Variants in EPS15L1 observed in about 807,000 individuals in gnomAD.
EPS15L1 encodes the protein epidermal growth factor receptor pathway substrate 15 like 1, also known as epidermal growth factor receptor substrate 15-like 1.
A neutral mutation model predicts 117.1 loss-of-function variants in EPS15L1; 43 were observed. The ratio of observed to expected loss-of-function variants is 0.37; its 90% CI spans 0.29 to 0.47. The LOEUF is 0.47. Among genes scored for constraint, EPS15L1 ranks in the 20% least tolerant of loss-of-function variants. The probability of loss-of-function intolerance (pLI) is 0.99; values close to 1 mark genes in which losing one functional copy is unlikely to be tolerated. For missense variants in EPS15L1, 981 were observed against 1,164.0 expected, an observed-to-expected ratio of 0.84 and a Z score of 2.29; for synonymous variants, 459 against 470.5, an observed-to-expected ratio of 0.98 and a Z score of 0.32.
chr19:16,401,923 T>C (rs1568419979), intron 16 of EPS15L1: 3 of 1,009,590 alleles, frequency 3.0e-6, no homozygotes, highest in South Asian at 4.4e-5. Context: ...CATAGACACA[T>C]GCCCCTCAGA....
chr19:16,456,733 C>G (rs986928604), intron 1 of EPS15L1, among the ~76,000 whole-genome samples: 1 of 152,078 alleles, frequency 6.6e-6, no homozygotes, highest in Non-Finnish European at 1.5e-5. Flanking sequence ...ACAAAGTCAG[C>G]CCAGGACTAT....
chr19:16,369,855 G>T (rs2092196295), intron 22 of EPS15L1, among the ~76,000 whole-genome samples: 1 of 152,184 alleles, frequency 6.6e-6, no homozygotes, highest in African/African-American at 2.4e-5. Flanking sequence ...CATACCCTGC[G>T]TGAACACCCC....
intron 19 of EPS15L1, 56 bp downstream of exon 19, chr19:16,392,248 C>A: frequency 1.2e-6 from 2 of 1,606,278 alleles, no homozygotes; most frequent in South Asian, 1.1e-5. Flanking sequence ...GAAGCGCCAC[C>A]CTTACCACAC....
At position 16,381,368 on chromosome 19, in the gene EPS15L1, C is replaced by T. The variant is rs1040812886; in HGVS notation, c.2247+3761G>A. Reference sequence around the variant, plus strand: ...GCCACCAGACGCTGCCCTCAGCTGCCGAGGGCCACCCCAGTGGTGGGTCCA... The same window carrying T: ...GCCACCAGACGCTGCCCTCAGCTGCTGAGGGCCACCCCAGTGGTGGGTCCA... On this transcript the variant is annotated intron_variant, in intron 21 of 23. Transcript: ENST00000455140. The surrounding 1 kb of genome is among the most constrained non-coding windows in gnomAD (Gnocchi z 4.2). 3.3e-5 allele frequency among the ~76,000 whole-genome samples: 5 copies of T among 152,252 alleles called. No homozygotes were observed. Among genetic ancestry groups the T allele is most frequent in the East Asian group, 1.9e-4 (1 of 5,198 alleles).
chr19:16,361,101 C>CA (rs2092043959), intron 23 of EPS15L1, among the ~76,000 whole-genome samples: 1 of 152,288 alleles, frequency 6.6e-6, no homozygotes, highest in South Asian at 2.1e-4. Flanking sequence ...CAGAGAAAAA[C>CA]AAAGCCAGGC....
In EPS15L1 at chr19:16,468,807, T is replaced by G. The variant is rs888998298; in HGVS notation, c.33+3106A>C. On this transcript the variant is annotated intron_variant, in intron 1 of 23. Coordinates refer to ENST00000455140, the MANE Select transcript of EPS15L1 (RefSeq NM_001258374.3). ...TAGAAGGATTGCTTGAGGCTAGGGG[T>G]TTAAGACCTGCCTAGGCAGCATAGC... is the stretch of plus-strand genomic sequence containing the variant. Among the ~76,000 whole-genome samples the G allele has an allele frequency of 3.9e-5, 6 of 152,022 alleles. No homozygotes were observed. The South Asian group carries it at 1.2e-3, about 32-fold the overall frequency.
chr19:16,421,229 G>A lies in EPS15L1; in HGVS notation c.950+90C>T, dbSNP rs2092810591. 13 of 1,422,804 alleles carry A rather than the reference G, an allele frequency of 9.1e-6. 1 individual carries two copies. The highest frequency in any genetic ancestry group is 1.4e-5 in the South Asian group (1 of 72,370). 88.1% of individuals were successfully genotyped at this position (1,422,804 alleles called of 1,614,324 possible). A position where few individuals can be genotyped will look rare whatever the true frequency, so the allele number is the denominator to read the frequency against. The stretch of plus-strand genomic sequence containing the variant: ...CAGCGGAAGCCTGTGACAGGCTGGA[G>A]GGGGCCCCCTGACCACCACCCTCCA... On this transcript the variant is annotated intron_variant, in intron 10 of 23. Coordinates refer to ENST00000455140, the MANE Select transcript of EPS15L1 (RefSeq NM_001258374.3).
At chr19:16,386,334 G>A (rs2092420897) in intron 19 of EPS15L1, 103 bp from the exon 20 acceptor site, 2 of 862,018 alleles carry the variant, frequency 2.3e-6, no homozygotes, top group African/African-American at 1.7e-5. Context: ...ATCCAGTGCT[G>A]AGCCAGAGGG....
At chr19:16,456,327 G>C (rs576666711) in intron 1 of EPS15L1, among the ~76,000 whole-genome samples, 1 of 152,346 alleles carries the variant, frequency 6.6e-6, no homozygotes, top group Non-Finnish European at 1.5e-5. Context: ...CGTGCTAAGA[G>C]GCAGCACTGA....
intron 21 of EPS15L1, among the ~76,000 whole-genome samples, chr19:16,380,625 T>C (rs1223347335): frequency 1.3e-5 from 2 of 152,114 alleles, no homozygotes; most frequent in Non-Finnish European, 2.9e-5. Context: ...ACTGACACAG[T>C]CACACTGACA....
At chr19:16,392,264 A>G (rs1249831308) in intron 19 of EPS15L1, 40 bp downstream of exon 19, 1 of 1,611,598 alleles carries the variant, frequency 6.2e-7, no homozygotes, top group East Asian at 2.2e-5. Flanking sequence ...CACACAGAGC[A>G]GGCACGCAGC....
At chr19:16,417,778 TG>T in intron 11 of EPS15L1, 141 bp from the exon 12 acceptor site, 1 of 1,172,592 alleles carries the variant, frequency 8.5e-7, no homozygotes, top group Non-Finnish European at 1.2e-6. Context: ...GCCCCCTGCC[TG>T]GGGAAATACC....
chr19:16,417,690 A>T, intron 11 of EPS15L1, 53 bp from the exon 12 acceptor site: 1 of 1,455,718 alleles, frequency 6.9e-7, no homozygotes, highest in Non-Finnish European at 9.6e-7. Flanking sequence ...ACATCACCTG[A>T]CAGGAGGCAC....
intron 22 of EPS15L1, among the ~76,000 whole-genome samples, chr19:16,374,710 G>A (rs1303582226): frequency 1.3e-5 from 2 of 152,230 alleles, no homozygotes; most frequent in African/African-American, 2.4e-5. Context: ...CCTGTGAGCT[G>A]TTGAGTGGGA....
chr19:16,390,600 A>T (rs1250216351), intron 19 of EPS15L1, among the ~76,000 whole-genome samples: 1 of 152,154 alleles, frequency 6.6e-6, no homozygotes, highest in Non-Finnish European at 1.5e-5. Flanking sequence ...ACAAACAACA[A>T]CCCTTGATTA....
intron 4 of EPS15L1, among the ~76,000 whole-genome samples, chr19:16,438,209 C>A (rs934320086): frequency 2.6e-5 from 4 of 152,032 alleles, no homozygotes; most frequent in African/African-American, 9.7e-5. Flanking sequence ...AAAAATCAGC[C>A]AGGCGTGGTG....
At chr19:16,384,375 C>G (rs997492667) in intron 21 of EPS15L1, 4 of 152,380 alleles carry the variant, frequency 2.6e-5, no homozygotes, top group African/African-American at 9.6e-5. Context: ...ACCACAGCCC[C>G]CATTTCCAAC....
chr19:16,406,407 C>T (rs2144852627), intron 13 of EPS15L1, among the ~76,000 whole-genome samples: 1 of 152,308 alleles, frequency 6.6e-6, no homozygotes, highest in Non-Finnish European at 1.5e-5. Flanking sequence ...GGCGTGTCAG[C>T]ATCAAGGTGG....
rs1351940995 is a variant in EPS15L1 at position 16,370,062 on chromosome 19, C to T, written c.2380+7060G>A. Among the ~76,000 whole-genome samples, 1 of 152,152 alleles carries T rather than the reference C, an allele frequency of 6.6e-6. No homozygotes were observed. The highest frequency in any genetic ancestry group is 2.4e-5 in the African/African-American group (1 of 41,442). Reference sequence around the variant, plus strand: ...CATGTAACAAGATCCCTGAGAACGCCGTGCAGCGAGTCTGAAAGCTGGTTA... The same window carrying T: ...CATGTAACAAGATCCCTGAGAACGCTGTGCAGCGAGTCTGAAAGCTGGTTA... On this transcript the variant is annotated intron_variant, in intron 22 of 23. Transcript: ENST00000455140. The surrounding 1 kb of genome is among the most constrained non-coding windows in gnomAD (Gnocchi z 5.2).
Sources: allele counts gnomAD v4.1 joint callset (sites outside exome capture counted in the v4.1 genomes callset), GRCh38; gene constraint gnomAD v4.1.1; non-coding constraint Gnocchi (gnomAD v3.1); transcripts MANE v1.5; gene names NCBI Gene and HGNC (gene_info 2026-07-23, HGNC 2026-07-21).